Variants in STPG2 observed in about 807,000 individuals in gnomAD.
STPG2 encodes sperm tail PG-rich repeat containing 2, also known as sperm-tail PG-rich repeat-containing protein 2.
A neutral mutation model predicts 54.2 loss-of-function variants in STPG2; 56 were observed. That is an observed-to-expected ratio of 1.03 (90% CI 0.83 to 1.29). The LOEUF (loss-of-function observed/expected upper bound fraction) is 1.29. STPG2 is among the 50% of genes most tolerant of loss of function. The pLI, the probability that STPG2 is intolerant of heterozygous loss-of-function variation, is 0.00. For missense variants in STPG2, 596 were observed against 544.9 expected, an observed-to-expected ratio of 1.09 and a Z score of -0.93; for synonymous variants, 200 against 181.8, an observed-to-expected ratio of 1.10 and a Z score of -0.81.
chr4:97,482,603 G>A (rs1002733855), intron 4 of STPG2, among the ~76,000 whole-genome samples: 1 of 151,588 alleles, frequency 6.6e-6, no homozygotes, highest in Non-Finnish European at 1.5e-5. Flanking sequence ...CCAGAGGAAG[G>A]AGAGAAATCT....
At chr4:97,796,673 T>A (rs1489494871) in intron 9 of STPG2, among the ~76,000 whole-genome samples, 1 of 152,228 alleles carries the variant, frequency 6.6e-6, no homozygotes, top group African/African-American at 2.4e-5. Flanking sequence ...AGGATTGTCT[T>A]GGCAATGCTG....
intron 5 of STPG2, among the ~76,000 whole-genome samples, chr4:98,045,093 C>A (rs1201339831): frequency 7.6e-6 from 1 of 131,022 alleles, no homozygotes; most frequent in Non-Finnish European, 1.7e-5. Flanking sequence ...ACAGAGATGA[C>A]TTTAAAAGGA....
intron 8 of STPG2, among the ~76,000 whole-genome samples, chr4:97,876,652 C>T (rs1730181346): frequency 6.6e-6 from 1 of 151,890 alleles, no homozygotes; most frequent in Non-Finnish European, 1.5e-5. Context: ...GGATATTCTA[C>T]TCTATGTAAG....
At chr4:97,479,692 T>C (rs1037174716) in intron 4 of STPG2, among the ~76,000 whole-genome samples, 6 of 152,036 alleles carry the variant, frequency 3.9e-5, no homozygotes, top group Middle Eastern at 3.4e-3. Context: ...CTGTGACTAA[T>C]GTAAATAGAT....
chr4:98,040,715 T>C (rs901150241), intron 5 of STPG2, among the ~76,000 whole-genome samples: 7 of 151,608 alleles, frequency 4.6e-5, no homozygotes, highest in African/African-American at 1.4e-4. Flanking sequence ...TTTGGTTACT[T>C]AGCCTTGTAT....
intron 9 of STPG2, among the ~76,000 whole-genome samples, chr4:97,739,249 C>G (rs989781862): frequency 1.6e-4 from 24 of 152,156 alleles, no homozygotes; most frequent in South Asian, 6.2e-4. Flanking sequence ...TAAATGCCTA[C>G]AGGAGAAAGC....
At chr4:97,905,453 G>T (rs1339730920) in intron 8 of STPG2, among the ~76,000 whole-genome samples, 2 of 151,876 alleles carry the variant, frequency 1.3e-5, no homozygotes, top group Non-Finnish European at 2.9e-5. Flanking sequence ...GCTCCTGAAG[G>T]AAGTGCCAAA....
chr4:97,755,140 C>T (rs574573751), intron 9 of STPG2, among the ~76,000 whole-genome samples: 1 of 152,182 alleles, frequency 6.6e-6, no homozygotes, highest in East Asian at 1.9e-4. Flanking sequence ...TCGCATTTAT[C>T]GGCTTCATTT....
chr4:97,951,829 C>T (rs1733484052), intron 7 of STPG2, among the ~76,000 whole-genome samples: 1 of 151,870 alleles, frequency 6.6e-6, no homozygotes, highest in Non-Finnish European at 1.5e-5. Context: ...GATAGGCGTC[C>T]CAGGGAAGAA....
chr4:97,710,297 C>T (rs1421028293), intron 10 of STPG2, among the ~76,000 whole-genome samples: 2 of 151,898 alleles, frequency 1.3e-5, no homozygotes, highest in African/African-American at 2.4e-5. Flanking sequence ...TGACCTTCCT[C>T]CACCCATCAA....
At chr4:97,631,114 T>C (rs893044112) in intron 10 of STPG2, among the ~76,000 whole-genome samples, 9 of 151,986 alleles carry the variant, frequency 5.9e-5, no homozygotes, top group South Asian at 2.1e-4. Flanking sequence ...TTTTAAAGAA[T>C]TGATTTTCTA....
At chr4:98,083,241 A>T (rs960596254) in intron 5 of STPG2, among the ~76,000 whole-genome samples, 2 of 152,190 alleles carry the variant, frequency 1.3e-5, no homozygotes, top group African/African-American at 4.8e-5. Context: ...AAATCCTGAA[A>T]AATAAATGGT....
chr4:97,957,477 G>T (rs1560609369), intron 7 of STPG2, among the ~76,000 whole-genome samples: 1 of 151,922 alleles, frequency 6.6e-6, no homozygotes, highest in East Asian at 1.9e-4. Flanking sequence ...GGGAAATCTA[G>T]AAGTTTGGAA....
At chr4:97,515,662 T>C (rs1005772604) in intron 4 of STPG2, among the ~76,000 whole-genome samples, 9 of 152,086 alleles carry the variant, frequency 5.9e-5, no homozygotes, top group African/African-American at 1.4e-4. Flanking sequence ...TTTAGAACTA[T>C]GCCATATTGT....
chr4:97,858,959 T>C (rs947958677), intron 8 of STPG2, among the ~76,000 whole-genome samples: 3 of 152,240 alleles, frequency 2.0e-5, no homozygotes, highest in African/African-American at 7.2e-5. Context: ...TTTAGTTCTC[T>C]AAGGAATCTC....
intron 10 of STPG2, among the ~76,000 whole-genome samples, chr4:97,616,092 AT>A (rs1733866132): frequency 1.6e-5 from 1 of 63,268 alleles, no homozygotes; most frequent in African/African-American, 4.3e-5. Flanking sequence ...ATATATATAT[AT>A]ATGTATGTAT....
intron 9 of STPG2, among the ~76,000 whole-genome samples, chr4:97,805,693 A>T (rs1727538264): frequency 6.6e-6 from 1 of 151,984 alleles, no homozygotes; most frequent in Admixed American, 6.6e-5. Context: ...ATAGTTTGTG[A>T]AACTTTTCTC....
At chr4:97,570,844 T>C (rs995368555) in intron 10 of STPG2, among the ~76,000 whole-genome samples, 5 of 152,194 alleles carry the variant, frequency 3.3e-5, no homozygotes, top group African/African-American at 1.2e-4. Flanking sequence ...TGAGAACTAC[T>C]CATTCCTTGG....
At chr4:98,041,455 T>C (rs1736954422) in intron 5 of STPG2, among the ~76,000 whole-genome samples, 1 of 151,992 alleles carries the variant, frequency 6.6e-6, no homozygotes, top group South Asian at 2.1e-4. Flanking sequence ...CTGTATGATG[T>C]TGGCTGTGGG....
Sources: allele counts gnomAD v4.1 joint callset (sites outside exome capture counted in the v4.1 genomes callset), GRCh38; gene constraint gnomAD v4.1.1; transcripts MANE v1.5; gene names NCBI Gene and HGNC (gene_info 2026-07-23, HGNC 2026-07-21).